MCF2L: variants seen among roughly 807,000 people sequenced by gnomAD.
The protein encoded by MCF2L is guanine nucleotide exchange factor DBS.
MCF2L carries 97 observed loss-of-function variants against 153.4 expected under a neutral mutation model. The observed-to-expected ratio is 0.63, with a 90% CI of 0.54 to 0.75. MCF2L has a LOEUF of 0.75. Among genes scored for constraint, MCF2L ranks in the 30% least tolerant of loss-of-function variants. MCF2L has a pLI of 0.00. For synonymous variants in MCF2L, 659 were observed against 632.2 expected, an observed-to-expected ratio of 1.04 and a Z score of -0.64; for missense variants, 1,347 against 1,495.2, an observed-to-expected ratio of 0.90 and a Z score of 1.64.
chr13:112,975,179 AC>A (rs1408643024), intron 1 of MCF2L, among the ~76,000 whole-genome samples: 1 of 152,250 alleles, frequency 6.6e-6, no homozygotes, highest in Admixed American at 6.5e-5. Flanking sequence ...TTACAAGCTA[AC>A]TGCCCTTGTC....
At chr13:113,050,467 T>C (rs2087165121) in intron 4 of MCF2L, among the ~76,000 whole-genome samples, 1 of 151,478 alleles carries the variant, frequency 6.6e-6, no homozygotes, top group Admixed American at 6.6e-5. Context: ...CTCTCTTTCC[T>C]GTAACGCCGG....
At chr13:112,976,900 T>G (rs2082234247) in intron 1 of MCF2L, among the ~76,000 whole-genome samples, 1 of 152,170 alleles carries the variant, frequency 6.6e-6, no homozygotes, top group Admixed American at 6.5e-5. Flanking sequence ...AGTGCGGGGC[T>G]TCCCAGTGCT....
At chr13:113,091,056 G>A (rs755972833) in intron 26 of MCF2L, 49 of 1,295,912 alleles carry the variant, frequency 3.8e-5, no homozygotes, top group South Asian at 3.5e-4. Context: ...CAGCCTCCTC[G>A]CCGCCTCCCT....
At position 113,089,946 on chromosome 13, in the gene MCF2L, C is replaced by T. The variant is rs1259962400; in HGVS notation, c.2953+218C>T. On this transcript the variant is annotated intron_variant, in intron 26 of 29. Transcript: ENST00000535094. Reference sequence around the variant, plus strand: ...ACCCCTGCATCAGCAAGGCCAGCCCCAGAAGGAGCCTCGGCCGAGCGTGCA... The same window carrying T: ...ACCCCTGCATCAGCAAGGCCAGCCCTAGAAGGAGCCTCGGCCGAGCGTGCA... The T allele has an allele frequency of 3.8e-6, 6 of 1,597,508 alleles. No individual in the cohort carries two copies. In the African/African-American group the frequency reaches 5.4e-5, roughly 14 times the overall value.
chr13:112,960,920 G>T lies in MCF2L; in HGVS notation c.170-53843G>T, dbSNP rs974541761. ...CTCTCTGTGGTACGTGGGGGCCCAG[G>T]TTCTACCGTGAGTGACTGCAGGCCG... is the stretch of plus-strand genomic sequence containing the variant. On this transcript the variant is annotated intron_variant, in intron 2 of 29. Transcript: ENST00000375608. The surrounding 1 kb of genome is among the most constrained non-coding windows in gnomAD (Gnocchi z 4.2). 6.6e-6 allele frequency among the ~76,000 whole-genome samples: 1 copy of T among 152,188 alleles called. No individual in the cohort carries two copies. The highest frequency in any genetic ancestry group is 1.5e-5 in the Non-Finnish European group (1 of 68,018).
rs544808138 is a variant in MCF2L at position 113,076,171 on chromosome 13, G to A, written c.1500+14G>A. 17 of 1,599,714 alleles carry A rather than the reference G, an allele frequency of 1.1e-5. No homozygotes were observed. Among genetic ancestry groups the A allele is most frequent in the South Asian group, 7.9e-5 (7 of 89,090 alleles). ...CAAGATCTCATGGTAACGCTGACTC[G>A]GGCTCTCCATTTGCAGCTTGCTGTC... On this transcript the variant is annotated intron_variant, in intron 12 of 29. Coordinates refer to ENST00000535094, the MANE Select transcript of MCF2L (RefSeq NM_001112732.3).
chr13:113,076,125 G>A lies in MCF2L; in HGVS notation c.1468G>A (p.Glu490Lys). 1 of 1,613,882 alleles carries A rather than the reference G, an allele frequency of 6.2e-7. No individual in the cohort carries two copies. Among genetic ancestry groups the A allele is most frequent in the Non-Finnish European group, 8.5e-7 (1 of 1,179,958 alleles). Reference sequence around the variant, plus strand: ...CCAGGAGCTCAACGCGATTTACAAGGAATACGAATCCATCCTCAACCAAGA... The same window carrying A: ...CCAGGAGCTCAACGCGATTTACAAGAAATACGAATCCATCCTCAACCAAGA... ...KIQELNAIYK[E>K]YESILNQDLM... is the part of the protein sequence containing the mutation. Residue 490 changes from glutamate to lysine, a missense_variant, in exon 12 of 30, where the codon GAA becomes AAA. Around this residue, in one of 3 missense-constraint regions of MCF2L, gnomAD observed 820 missense variants for 921.2 expected, o/e 0.89. Transcript: ENST00000535094.
At chr13:112,915,968 G>A (rs1386276906) in intron 2 of MCF2L, among the ~76,000 whole-genome samples, 1 of 151,850 alleles carries the variant, frequency 6.6e-6, no homozygotes, top group East Asian at 1.9e-4. Context: ...GGAGGCCGAG[G>A]CATGTGGATC....
chr13:113,046,984 C>T lies in MCF2L; in HGVS notation c.369+1623C>T, dbSNP rs1026280781. ...AGTTCTGCAGGCTGCACAGGCTTAGCACCTGCATCTTCTCAGCTTCTGAGG... is the reference window on the plus strand; with the variant it reads ...AGTTCTGCAGGCTGCACAGGCTTAGTACCTGCATCTTCTCAGCTTCTGAGG... On this transcript the variant is annotated intron_variant, in intron 4 of 29. Transcript: ENST00000535094. This position sits in a 1 kb window ranked among gnomAD's most constrained non-coding sequence, Gnocchi z 4.4. The T allele has an allele frequency of 6.0e-6, 1 of 166,840 alleles. No individual in the cohort carries two copies. The highest frequency in any genetic ancestry group is 2.4e-5 in the African/African-American group (1 of 41,620). The allele number at this position is 166,840 out of a possible 1,614,324, so 10.3% of individuals were successfully genotyped here. A position where few individuals can be genotyped will look rare whatever the true frequency, so the allele number is the denominator to read the frequency against.
At chr13:112,986,754 GC>G (rs1390450027) in intron 1 of MCF2L, among the ~76,000 whole-genome samples, 1 of 152,236 alleles carries the variant, frequency 6.6e-6, no homozygotes, top group Non-Finnish European at 1.5e-5. Context: ...TGCCCACGGG[GC>G]CTCAGTCCTG....
Position 113,014,814 on chromosome 13 carries a change from A to G in MCF2L, c.131A>G (p.Asp44Gly), listed in dbSNP as rs945604398. The G allele has an allele frequency of 1.9e-6, 3 of 1,613,882 alleles. No individual in the cohort carries two copies. Among genetic ancestry groups the G allele is most frequent in the Non-Finnish European group, 2.5e-6 (3 of 1,180,010 alleles). The change falls in exon 2 of 30, where the codon GAC (aspartate) becomes GGC (glycine). Residue 44 changes from aspartate to glycine, a missense_variant. By Grantham distance (94) the Asp-to-Gly change is moderately conservative (BLOSUM62 -1). This residue lies in a region of MCF2L where 820 missense variants were observed against 921.2 expected (regional missense o/e 0.89). Transcript: ENST00000535094. Reference sequence around the variant, plus strand: ...CCGCTCTGTGCTGCCGACATCCAGGACCAGCTAAAGAAGCGCTTTGCTTAC... The same window carrying G: ...CCGCTCTGTGCTGCCGACATCCAGGGCCAGCTAAAGAAGCGCTTTGCTTAC... The part of the protein sequence containing the change: ...IVPLCAADIQ[D>G]QLKKRFAYLS...
At chr13:113,038,281 T>G (rs964899400) in intron 3 of MCF2L, among the ~76,000 whole-genome samples, 1 of 151,932 alleles carries the variant, frequency 6.6e-6, no homozygotes, top group Non-Finnish European at 1.5e-5. Context: ...CTGGCTAACA[T>G]GGTGAAACCC....
At position 113,099,115 on chromosome 13, in the gene MCF2L, C is replaced by T. The variant is rs2035827026; in HGVS notation, c.*2256C>T. On this transcript the variant is annotated 3_prime_UTR_variant, in exon 30 of 30. Transcript: ENST00000535094. ...AAACACCATAAGAAAGCTGGTGTAG[C>T]AGTATCGATGACCTGAAATGGGATT... 1 of 152,050 alleles carries T rather than the reference C, an allele frequency of 6.6e-6. No individual in the cohort carries two copies. Among genetic ancestry groups the T allele is most frequent in the South Asian group, 2.1e-4 (1 of 4,822 alleles). 9.4% of individuals were successfully genotyped at this position (152,050 alleles called of 1,614,324 possible).
chr13:113,020,835 C>T (rs1372225917), intron 2 of MCF2L, among the ~76,000 whole-genome samples: 3 of 151,564 alleles, frequency 2.0e-5, no homozygotes, highest in Non-Finnish European at 4.4e-5. Flanking sequence ...GAATGTGTAG[C>T]TATGTATGTT....
intron 2 of MCF2L, among the ~76,000 whole-genome samples, chr13:112,903,564 G>A (rs1594298494): frequency 6.6e-6 from 1 of 152,206 alleles, no homozygotes; most frequent in East Asian, 1.9e-4. Flanking sequence ...CACAACTTGT[G>A]TAGACTCTTG....
At chr13:112,920,948 A>C (rs979096449) in intron 2 of MCF2L, among the ~76,000 whole-genome samples, 7 of 151,956 alleles carry the variant, frequency 4.6e-5, no homozygotes, top group African/African-American at 1.7e-4. Flanking sequence ...CAGGCGGATC[A>C]CGAGGTCAGG....
chr13:112,997,015 G>A (rs775052105), intron 1 of MCF2L, among the ~76,000 whole-genome samples: 67 of 152,350 alleles, frequency 4.4e-4, no homozygotes, highest in Non-Finnish European at 7.3e-4. Flanking sequence ...GCCTAGGCGG[G>A]TGCTGCTGCC....
intron 2 of MCF2L, among the ~76,000 whole-genome samples, chr13:113,023,133 CG>C (rs1459150384): frequency 2.6e-5 from 4 of 152,344 alleles, no homozygotes; most frequent in Non-Finnish European, 5.9e-5. Flanking sequence ...GGGGCCGTCA[CG>C]GTGTGTGGAC....
intron 12 of MCF2L, among the ~76,000 whole-genome samples, chr13:113,076,430 A>C (rs1338208956): frequency 6.6e-6 from 1 of 151,966 alleles, no homozygotes; most frequent in African/African-American, 2.4e-5. Flanking sequence ...AAGCCTGGCT[A>C]ATTTTTGTAT....
Sources: gnomAD v4.1 joint callset for allele counts (sites outside exome capture counted in the v4.1 genomes callset) on GRCh38, gnomAD v4.1.1 for gene constraint, gnomAD v4.1.1 regional missense constraint, Gnocchi (gnomAD v3.1) non-coding constraint, MANE v1.5 for transcripts, NCBI Gene and HGNC (gene_info 2026-07-23, HGNC 2026-07-21) for gene names.